Variants in ASCC3 observed in about 807,000 individuals in gnomAD.
ASCC3 encodes the protein activating signal cointegrator 1 complex subunit 3, also known as ASC-1 complex subunit P200.
ASCC3 carries 158 observed loss-of-function variants against 256.3 expected under a neutral mutation model. That is an observed-to-expected ratio of 0.62 (90% CI 0.54 to 0.70). ASCC3 has a LOEUF of 0.70. Ranked by LOEUF, ASCC3 falls within the 30% of genes least tolerant of loss-of-function variation. ASCC3 has a pLI of 0.00. For synonymous variants in ASCC3, 948 were observed against 883.4 expected (o/e 1.07, Z -1.30); for missense variants, 2,259 against 2,626.0 (o/e 0.86, Z 3.05).
At chr6:100,847,882 A>C in intron 4 of ASCC3, 1 of 306,078 alleles carries the variant, frequency 3.3e-6, no homozygotes, top group Non-Finnish European at 6.0e-6. Flanking sequence ...TTGACATCAA[A>C]CCAGCACTGT....
chr6:100,623,087 A>G (rs929330276), intron 30 of ASCC3, among the ~76,000 whole-genome samples: 2 of 152,124 alleles, frequency 1.3e-5, no homozygotes, highest in Non-Finnish European at 2.9e-5. Context: ...GATACCACAC[A>G]TAAACTGAGT....
At chr6:100,659,751 T>G (rs2114927739) in intron 16 of ASCC3, among the ~76,000 whole-genome samples, 1 of 151,658 alleles carries the variant, frequency 6.6e-6, no homozygotes, top group Non-Finnish European at 1.5e-5. Flanking sequence ...ATTTTACCAA[T>G]TACAAAAAGC....
At chr6:100,664,128 T>C (rs945480287) in intron 14 of ASCC3, among the ~76,000 whole-genome samples, 1 of 152,174 alleles carries the variant, frequency 6.6e-6, no homozygotes, top group African/African-American at 2.4e-5. Flanking sequence ...TTTAAAGAAA[T>C]GTTTATATAG....
At chr6:100,781,731 A>G (rs1335883794) in intron 8 of ASCC3, among the ~76,000 whole-genome samples, 3 of 151,948 alleles carry the variant, frequency 2.0e-5, no homozygotes, top group African/African-American at 4.8e-5. Context: ...TTCAAAACAT[A>G]CTTTTAATAT....
chr6:100,509,820 G>A (rs1208888083), intron 41 of ASCC3, 112 bp downstream of exon 41: 19 of 1,109,540 alleles, frequency 1.7e-5, no homozygotes, highest in African/African-American at 1.4e-4. Flanking sequence ...CCCGGGAGGC[G>A]GAGCTTGCAG....
chr6:100,683,879 A>AAGTT (rs1373613411), intron 13 of ASCC3, among the ~76,000 whole-genome samples: 45 of 152,140 alleles, frequency 3.0e-4, no homozygotes, highest in Non-Finnish European at 2.9e-5. Context: ...TCACATAGAA[A>AAGTT]CAAAAGTAGG....
In ASCC3 at chr6:100,540,734, A is replaced by G. The variant is rs189263187; in HGVS notation, c.5551-347T>C. On this transcript the variant is annotated intron_variant, in intron 36 of 41. Transcript: ENST00000369162. ...TATAAAGTGTAATAAATGTTACGAT[A>G]TGGTAAAAGTACAGAGTGTTGAATG... Among the ~76,000 whole-genome samples the G allele has an allele frequency of 5.9e-5, 9 of 152,288 alleles. No homozygotes were observed. The East Asian group carries it at 1.7e-3, about 29-fold the overall frequency.
intron 34 of ASCC3, among the ~76,000 whole-genome samples, chr6:100,597,910 C>G (rs1052136855): frequency 3.5e-5 from 5 of 144,768 alleles, no homozygotes; most frequent in Non-Finnish European, 7.5e-5. Flanking sequence ...GGAGGTGGAG[C>G]TTGCAGTGAG....
Position 100,721,794 on chromosome 6 carries a change from TGTTG to T in ASCC3, c.1903-3547_1903-3544del, listed in dbSNP as rs748090015. Among the ~76,000 whole-genome samples the T allele has an allele frequency of 4.6e-5, 7 of 150,790 alleles. No individual in the cohort carries two copies. The South Asian group carries it at 8.3e-4, about 18-fold the overall frequency. On this transcript the variant is annotated intron_variant, in intron 11 of 41. Transcript: ENST00000369162. ...ATTAGGTCCTACTTGTCAAATTTTT[TGTTG>T]TTGTTGTTGCAATTGCTATCTCCCA...
chr6:100,795,973 G>C (rs1172335224), intron 8 of ASCC3, among the ~76,000 whole-genome samples: 1 of 152,028 alleles, frequency 6.6e-6, no homozygotes, highest in Non-Finnish European at 1.5e-5. Context: ...TATGATGTCT[G>C]GCAGGATCAA....
At chr6:100,554,742 G>C (rs2062634) in intron 36 of ASCC3, among the ~76,000 whole-genome samples, 62,796 of 151,784 alleles carry the variant, frequency 0.41, 13,527 homozygotes, top group South Asian at 0.62. Flanking sequence ...AATTAATTGG[G>C]TATTCTGTAT....
chr6:100,796,276 C>T (rs1434565873), intron 8 of ASCC3, among the ~76,000 whole-genome samples: 2 of 152,082 alleles, frequency 1.3e-5, no homozygotes, highest in Admixed American at 6.6e-5. Flanking sequence ...CTCTAGAAAA[C>T]GGTTTGGTAG....
intron 13 of ASCC3, among the ~76,000 whole-genome samples, chr6:100,697,894 T>C (rs950615637): frequency 1.3e-5 from 2 of 152,146 alleles, no homozygotes; most frequent in East Asian, 1.9e-4. Flanking sequence ...AAGTTGGGAA[T>C]AGGTCTATGG....
At chr6:100,750,507 T>A (rs2115092506) in intron 10 of ASCC3, among the ~76,000 whole-genome samples, 1 of 151,320 alleles carries the variant, frequency 6.6e-6, no homozygotes, top group East Asian at 1.9e-4. Flanking sequence ...GTCATGGAAT[T>A]TCTAGCTACA....
At chr6:100,649,256 T>C (rs886658572) in intron 20 of ASCC3, among the ~76,000 whole-genome samples, 1 of 151,768 alleles carries the variant, frequency 6.6e-6, no homozygotes, top group Non-Finnish European at 1.5e-5. Flanking sequence ...AATATCTTCA[T>C]AATCTTGAAG....
At chr6:100,641,527 C>T (rs981742307) in intron 24 of ASCC3, among the ~76,000 whole-genome samples, 22 of 152,116 alleles carry the variant, frequency 1.4e-4, no homozygotes, top group Non-Finnish European at 2.5e-4. Flanking sequence ...TATCCTTTGC[C>T]CACTTGTTGA....
chr6:100,820,471 T>C (rs529360541), intron 4 of ASCC3, among the ~76,000 whole-genome samples: 4 of 152,134 alleles, frequency 2.6e-5, no homozygotes, highest in South Asian at 4.2e-4. Flanking sequence ...CTGCATACCA[T>C]ATAAAAAATC....
chr6:100,731,556 A>G (rs181262763), intron 10 of ASCC3, among the ~76,000 whole-genome samples: 31 of 152,354 alleles, frequency 2.0e-4, no homozygotes, highest in African/African-American at 6.7e-4. Flanking sequence ...GGCGTCTGCT[A>G]CAACTTAGAA....
intron 10 of ASCC3, among the ~76,000 whole-genome samples, chr6:100,760,747 C>T (rs1004908657): frequency 1.7e-4 from 26 of 152,016 alleles, no homozygotes; most frequent in African/African-American, 6.0e-4. Flanking sequence ...GAATCAGTGG[C>T]GTCAAACATA....
Sources: gnomAD v4.1 joint callset for allele counts (sites outside exome capture counted in the v4.1 genomes callset) on GRCh38, gnomAD v4.1.1 for gene constraint, MANE v1.5 for transcripts, NCBI Gene and HGNC (gene_info 2026-07-23, HGNC 2026-07-21) for gene names.